The following MON2 variants were observed in gnomAD, a reference collection of about 807,000 sequenced individuals.
MON2 encodes MON2 regulator of endosome-to-Golgi trafficking.
In MON2, 84 loss-of-function variants were observed where a neutral mutation model predicts 208.6. That is an observed-to-expected ratio of 0.40 (90% CI 0.34 to 0.48). The LOEUF (loss-of-function observed/expected upper bound fraction) is 0.48. Among genes scored for constraint, MON2 ranks in the 20% least tolerant of loss-of-function variants. The pLI is 0.59. For missense variants in MON2, 1,611 were observed against 2,015.4 expected (o/e 0.80, Z 3.84); for synonymous variants, 660 against 694.0 (o/e 0.95, Z 0.77).
intron 2 of MON2, among the ~76,000 whole-genome samples, chr12:62,493,041 A>G (rs1363269117): frequency 8.4e-6 from 1 of 119,710 alleles, no homozygotes; most frequent in Non-Finnish European, 2.1e-5. Flanking sequence ...ACACACATAC[A>G]CACACACAAA....
rs576296222 is a variant in MON2, at chr12:62,564,300, A to T, written c.4033-937A>T. Among the ~76,000 whole-genome samples, 248 of 152,234 alleles carry T rather than the reference A, an allele frequency of 1.6e-3. 1 individual carries two copies. Among genetic ancestry groups the T allele is most frequent in the African/African-American group, 2.7e-3 (113 of 41,582 alleles). On this transcript the variant is annotated intron_variant, in intron 26 of 34. Coordinates refer to ENST00000393630, the MANE Select transcript of MON2 (RefSeq NM_015026.3). ...CATACTGTTTTTAAAGAAACTTTTT[A>T]AAAAAGTTAAATGGTTTGAATTTTG...
chr12:62,494,046 A>G lies in MON2; in HGVS notation c.303+4A>G. The G allele has an allele frequency of 6.2e-7, 1 of 1,608,846 alleles. No individual in the cohort carries two copies. The highest frequency in any genetic ancestry group is 8.5e-7 in the Non-Finnish European group (1 of 1,176,836). Reference sequence around the variant, plus strand: ...GTCACATGAAGTCGTGTCTGAGGTAATATGAAGATTTTATCTAAACTTCAC... The same window carrying G: ...GTCACATGAAGTCGTGTCTGAGGTAGTATGAAGATTTTATCTAAACTTCAC... On this transcript the variant is annotated splice_donor_region_variant and intron_variant, in intron 3 of 34. Transcript: ENST00000393630.
intron 2 of MON2, among the ~76,000 whole-genome samples, chr12:62,486,029 CA>C (rs1483093632): frequency 1.3e-5 from 2 of 152,012 alleles, no homozygotes; most frequent in Admixed American, 6.6e-5. Context: ...GGGAGATGTA[CA>C]TTAGGCAGAT....
chr12:62,588,564 C>T (rs926374659), intron 34 of MON2, among the ~76,000 whole-genome samples: 5 of 152,138 alleles, frequency 3.3e-5, no homozygotes, highest in East Asian at 1.9e-4. Context: ...ACCATTCTTT[C>T]TCATTTGTTT....
rs1278118201 is a variant in MON2 at position 62,596,326 on chromosome 12, G to A, written c.*3577G>A. The stretch of plus-strand genomic sequence containing the variant: ...GCAACCAAGTTTTCAAGAGACTGCT[G>A]TAGGTGAAGTCTGTCTAGCCAAGGC... On this transcript the variant is annotated 3_prime_UTR_variant, in exon 35 of 35. Transcript: ENST00000393630. 1 of 152,216 alleles carries A rather than the reference G, an allele frequency of 6.6e-6. No homozygotes were observed. The highest frequency in any genetic ancestry group is 6.5e-5 in the Admixed American group (1 of 15,274). The allele number at this position is 152,216 out of a possible 1,614,324, so 9.4% of individuals were successfully genotyped here. A position where few individuals can be genotyped will look rare whatever the true frequency, so the allele number is the denominator to read the frequency against.
intron 1 of MON2, among the ~76,000 whole-genome samples, chr12:62,482,150 G>C (rs955718677): frequency 1.3e-5 from 2 of 152,190 alleles, no homozygotes; most frequent in African/African-American, 4.8e-5. Flanking sequence ...ATTCAAAATT[G>C]CTGGTGGGTA....
chr12:62,489,993 A>G (rs1419884202), intron 2 of MON2: 1 of 1,148,556 alleles, frequency 8.7e-7, no homozygotes, highest in Non-Finnish European at 1.1e-6. Flanking sequence ...ACCTGTTAAT[A>G]TGATTCATAG....
At chr12:62,549,577 A>G in intron 22 of MON2, 91 bp from the exon 23 acceptor site, 3 of 1,168,672 alleles carry the variant, frequency 2.6e-6, no homozygotes, top group Non-Finnish European at 3.6e-6. Flanking sequence ...GCACCACTGC[A>G]CTCCAACCTG....
intron 5 of MON2, among the ~76,000 whole-genome samples, chr12:62,500,109 A>G (rs1452731230): frequency 6.6e-6 from 1 of 152,170 alleles, no homozygotes; most frequent in Non-Finnish European, 1.5e-5. Flanking sequence ...TATCCTCAAT[A>G]AAATTCCTGG....
intron 8 of MON2, chr12:62,508,729 C>G: frequency 2.6e-6 from 1 of 382,190 alleles, no homozygotes; most frequent in Non-Finnish European, 4.7e-6. Flanking sequence ...TAGGAATTGT[C>G]GTTTTGGAAC....
chr12:62,487,132 A>G (rs2136017260), intron 2 of MON2, among the ~76,000 whole-genome samples: 1 of 152,262 alleles, frequency 6.6e-6, no homozygotes, highest in Admixed American at 6.5e-5. Context: ...TAATGTCAGC[A>G]TTGATTCAGA....
In MON2 at chr12:62,561,664, G is replaced by A. The variant is rs61919488; in HGVS notation, c.4032+551G>A. On this transcript the variant is annotated intron_variant, in intron 26 of 34. Coordinates refer to ENST00000393630, the MANE Select transcript of MON2 (RefSeq NM_015026.3). Reference sequence around the variant, plus strand: ...TTATGGAGCAAATTCAGATTAGCAAGCAAGGCTAGATCAAATTCAAAGTGT... The same window carrying A: ...TTATGGAGCAAATTCAGATTAGCAAACAAGGCTAGATCAAATTCAAAGTGT... 3.2e-3 allele frequency among the ~76,000 whole-genome samples: 482 copies of A among 152,208 alleles called. 1 individual carries two copies. The highest frequency in any genetic ancestry group is 5.5e-3 in the Admixed American group (84 of 15,266).
chr12:62,575,780 A>G (rs973952414), intron 30 of MON2, among the ~76,000 whole-genome samples: 5 of 152,212 alleles, frequency 3.3e-5, no homozygotes, highest in Admixed American at 3.3e-4. Flanking sequence ...AGAAAAAGAC[A>G]AAGTTGAAAA....
intron 29 of MON2, among the ~76,000 whole-genome samples, chr12:62,568,573 A>G (rs2136389989): frequency 6.6e-6 from 1 of 152,274 alleles, no homozygotes; most frequent in African/African-American, 2.4e-5. Context: ...TCCTGGCCTC[A>G]GGCAGTCCTC....
chr12:62,493,898 A>G lies in MON2; in HGVS notation c.176-17A>G. On this transcript the variant is annotated splice_polypyrimidine_tract_variant and intron_variant, in intron 2 of 34. Coordinates refer to ENST00000393630, the MANE Select transcript of MON2 (RefSeq NM_015026.3). The stretch of plus-strand genomic sequence containing the variant: ...GATTAATTTTAATAATTTACTTTAT[A>G]TGTGTTCTAAATGAAGCACTGAAAG... The G allele has an allele frequency of 1.3e-6, 2 of 1,491,552 alleles. No individual in the cohort carries two copies. Among genetic ancestry groups the G allele is most frequent in the Non-Finnish European group, 1.8e-6 (2 of 1,108,948 alleles). 92.4% of individuals were successfully genotyped at this position (1,491,552 alleles called of 1,614,324 possible). A position where few individuals can be genotyped will look rare whatever the true frequency, so the allele number is the denominator to read the frequency against.
At chr12:62,499,771 G>T (rs919511290) in intron 5 of MON2, among the ~76,000 whole-genome samples, 1 of 151,934 alleles carries the variant, frequency 6.6e-6, no homozygotes, top group Non-Finnish European at 1.5e-5. Flanking sequence ...TACTCCAGAG[G>T]CTGAGGCAGG....
rs149668759 is a variant in MON2, at chr12:62,503,799, G to A, written c.789+2101G>A. Among the ~76,000 whole-genome samples the A allele has an allele frequency of 5.3e-3, 801 of 152,104 alleles. 13 individuals are homozygous for A. Among genetic ancestry groups the A allele is most frequent in the African/African-American group, 0.019 (777 of 41,492 alleles). On this transcript the variant is annotated intron_variant, in intron 7 of 34. Coordinates refer to ENST00000393630, the MANE Select transcript of MON2 (RefSeq NM_015026.3). ...GCCTGGAATCCTTTTTTCCTCATAT[G>A]GCTTGCTGTCTTACTTTTTTGAGGG...
In MON2 at chr12:62,530,521, G is replaced by A. The variant is rs375596461; in HGVS notation, c.1401-1917G>A. 8.5e-5 allele frequency among the ~76,000 whole-genome samples: 13 copies of A among 152,250 alleles called. No homozygotes were observed. The South Asian group carries it at 1.7e-3, about 19-fold the overall frequency. Reference sequence around the variant, plus strand: ...GCTGGGATTACAGGCATGAGCCACCGTGTCCGGCCCAGCATAATGTTTTGA... The same window carrying A: ...GCTGGGATTACAGGCATGAGCCACCATGTCCGGCCCAGCATAATGTTTTGA... On this transcript the variant is annotated intron_variant, in intron 11 of 34. Transcript: ENST00000393630.
chr12:62,499,461 G>T (rs1489592105), intron 5 of MON2, among the ~76,000 whole-genome samples: 1 of 152,074 alleles, frequency 6.6e-6, no homozygotes, highest in African/African-American at 2.4e-5. Context: ...ACTGTTTTGG[G>T]TGGTTTCCTA....
Sources: gnomAD v4.1 joint callset for allele counts (sites outside exome capture counted in the v4.1 genomes callset) on GRCh38, gnomAD v4.1.1 for gene constraint, MANE v1.5 for transcripts, NCBI Gene and HGNC (gene_info 2026-07-23, HGNC 2026-07-21) for gene names.